The following SHROOM3 variants were observed in gnomAD, a reference collection of about 807,000 sequenced individuals.
The protein encoded by SHROOM3 is protein Shroom3.
In SHROOM3, 47 loss-of-function variants were observed where a neutral mutation model predicts 138.6. The observed-to-expected ratio is 0.34, with a 90% CI of 0.27 to 0.43. SHROOM3 has a LOEUF of 0.43. Among genes scored for constraint, SHROOM3 ranks in the 20% least tolerant of loss-of-function variants. The probability of loss-of-function intolerance (pLI) is 1.00; values close to 1 mark genes in which losing one functional copy is unlikely to be tolerated. For missense variants in SHROOM3, 2,491 were observed against 2,596.5 expected, an observed-to-expected ratio of 0.96 and a Z score of 0.88; for synonymous variants, 1,062 against 1,063.3, an observed-to-expected ratio of 1.00 and a Z score of 0.02.
chr4:76,558,697 A>G (rs1367555503), intron 2 of SHROOM3, among the ~76,000 whole-genome samples: 2 of 152,354 alleles, frequency 1.3e-5, no homozygotes, highest in East Asian at 1.9e-4. Flanking sequence ...GGAAAAGACA[A>G]CTATAAGTGA....
chr4:76,440,169 A>G (rs946535031), intron 1 of SHROOM3, among the ~76,000 whole-genome samples: 4 of 152,226 alleles, frequency 2.6e-5, no homozygotes, highest in African/African-American at 9.6e-5. Context: ...AGTGTTTGTG[A>G]TGTTCCAGGC....
chr4:76,584,849 A>G (rs930668220), intron 2 of SHROOM3, among the ~76,000 whole-genome samples: 2 of 152,078 alleles, frequency 1.3e-5, no homozygotes. Context: ...GTGCTTTCCT[A>G]AGAAAAAAGG....
At chr4:76,683,725 T>C (rs1180775405) in intron 2 of SHROOM3, among the ~76,000 whole-genome samples, 1 of 152,178 alleles carries the variant, frequency 6.6e-6, no homozygotes, top group Non-Finnish European at 1.5e-5. Flanking sequence ...GAAAGTCAAA[T>C]ATTCAGTTAA....
intron 1 of SHROOM3, among the ~76,000 whole-genome samples, chr4:76,514,174 C>A (rs576282639): frequency 4.5e-4 from 68 of 152,232 alleles, no homozygotes; most frequent in African/African-American, 1.6e-3. Flanking sequence ...GGTAAATACT[C>A]AAGAAAAATG....
At chr4:76,494,110 G>A (rs1579192632) in intron 1 of SHROOM3, among the ~76,000 whole-genome samples, 1 of 151,390 alleles carries the variant, frequency 6.6e-6, no homozygotes, top group Non-Finnish European at 1.5e-5. Context: ...CCCTGCTCAC[G>A]GCCCCCTCCC....
chr4:76,688,615 G>C lies in SHROOM3; in HGVS notation c.324-21541G>C, dbSNP rs1719407307. 3.0e-6 allele frequency: 3 copies of C among 985,456 alleles called. No individual in the cohort carries two copies. In the African/African-American group the frequency reaches 5.2e-5, roughly 17 times the overall value. The allele number at this position is 985,456 out of a possible 1,614,324, so 61.0% of individuals were successfully genotyped here. A position where few individuals can be genotyped will look rare whatever the true frequency, so the allele number is the denominator to read the frequency against. On this transcript the variant is annotated intron_variant, in intron 2 of 10. Transcript: ENST00000296043. ...GAAAAAATTCCTACCTCCGTTGAAA[G>C]AGGCTGGAAGAACCTTTGAAGAAAG... is the stretch of plus-strand genomic sequence containing the variant.
At chr4:76,751,690 A>G (rs1721627035) in intron 6 of SHROOM3, among the ~76,000 whole-genome samples, 1 of 152,254 alleles carries the variant, frequency 6.6e-6, no homozygotes, top group South Asian at 2.1e-4. Flanking sequence ...GATGGCAGAC[A>G]CATGGCCAAC....
intron 1 of SHROOM3, among the ~76,000 whole-genome samples, chr4:76,554,390 A>T (rs113446202): frequency 0.015 from 2,253 of 151,370 alleles, 44 homozygotes; most frequent in African/African-American, 0.049. Flanking sequence ...TAAGAGGAAC[A>T]CAACTTTTTT....
At chr4:76,556,395 A>G (rs1455094428) in intron 2 of SHROOM3, among the ~76,000 whole-genome samples, 1 of 152,202 alleles carries the variant, frequency 6.6e-6, no homozygotes, top group East Asian at 1.9e-4. Flanking sequence ...TGCTTGAGAC[A>G]TTTTACACAT....
intron 2 of SHROOM3, among the ~76,000 whole-genome samples, chr4:76,640,321 T>C (rs1735629464): frequency 6.6e-6 from 1 of 152,214 alleles, no homozygotes; most frequent in Non-Finnish European, 1.5e-5. Context: ...GTCATGTAAT[T>C]GAATCCAGCT....
At chr4:76,711,317 G>A (rs35427123) in intron 3 of SHROOM3, among the ~76,000 whole-genome samples, 30,606 of 152,130 alleles carry the variant, frequency 0.2, 3,219 homozygotes, top group African/African-American at 0.23. Context: ...TGAAAGAGCC[G>A]ATACATGTCA....
intron 2 of SHROOM3, among the ~76,000 whole-genome samples, chr4:76,565,704 T>C (rs1000944458): frequency 8.5e-5 from 13 of 152,074 alleles, no homozygotes; most frequent in Admixed American, 1.3e-4. Context: ...TGGTCTCAAA[T>C]GATTCCCACC....
intron 8 of SHROOM3, among the ~76,000 whole-genome samples, chr4:76,759,182 CATTG>C (rs1008936349): frequency 3.9e-5 from 6 of 152,222 alleles, no homozygotes; most frequent in African/African-American, 1.2e-4. Flanking sequence ...AATACTTTCA[CATTG>C]ATTGAGTCAT....
At chr4:76,598,861 C>T (rs1006346776) in intron 2 of SHROOM3, among the ~76,000 whole-genome samples, 1 of 152,084 alleles carries the variant, frequency 6.6e-6, no homozygotes, top group Non-Finnish European at 1.5e-5. Flanking sequence ...CTTGTGCTTA[C>T]GAAAGACCAT....
chr4:76,644,558 AC>A (rs1659987837), intron 2 of SHROOM3, among the ~76,000 whole-genome samples: 1 of 151,112 alleles, frequency 6.6e-6, no homozygotes, highest in Non-Finnish European at 1.5e-5. Flanking sequence ...CCATGTCAGG[AC>A]ATACGGGGTT....
intron 1 of SHROOM3, among the ~76,000 whole-genome samples, chr4:76,515,303 T>C (rs1366727221): frequency 6.6e-6 from 1 of 151,400 alleles, no homozygotes; most frequent in African/African-American, 2.4e-5. Context: ...GAAGGATCAG[T>C]TGAGTCCAGG....
chr4:76,565,160 C>CAAAAAAAAAAAAAAAAAAAAAAAAAAA (rs1166896258), intron 2 of SHROOM3, among the ~76,000 whole-genome samples: 1 of 135,950 alleles, frequency 7.4e-6, no homozygotes. Context: ...GACTCCATTT[C>CAAAAAAAAAAAAAAAAAAAAAAAAAAA]AAAAAAAAAA....
At chr4:76,575,982 CA>C in intron 2 of SHROOM3, among the ~76,000 whole-genome samples, 1 of 152,126 alleles carries the variant, frequency 6.6e-6, no homozygotes, top group East Asian at 1.9e-4. Flanking sequence ...GGCTTATATC[CA>C]AAAGACAGGC....
At chr4:76,657,745 G>A (rs561647623) in intron 2 of SHROOM3, among the ~76,000 whole-genome samples, 43 of 152,272 alleles carry the variant, frequency 2.8e-4, no homozygotes, top group Admixed American at 7.2e-4. Flanking sequence ...GTGACTGTTG[G>A]ATTTTCTGAT....
Sources: gnomAD v4.1 joint callset for allele counts (sites outside exome capture counted in the v4.1 genomes callset) on GRCh38, gnomAD v4.1.1 for gene constraint, MANE v1.5 for transcripts, NCBI Gene and HGNC (gene_info 2026-07-23, HGNC 2026-07-21) for gene names.